COL5A2: variants seen among roughly 807,000 people sequenced by gnomAD.
COL5A2 encodes collagen alpha-2(V) chain.
COL5A2 carries 23 observed loss-of-function variants against 208.2 expected under a neutral mutation model. That is an observed-to-expected ratio of 0.11 (90% confidence interval 0.08 to 0.16). COL5A2 has a LOEUF of 0.16. Among genes scored for constraint, COL5A2 ranks in the 10% least tolerant of loss-of-function variants. The pLI is 1.00. For missense variants in COL5A2, 1,590 were observed against 1,956.4 expected (o/e 0.81, Z 3.53); for synonymous variants, 625 against 628.5 (o/e 0.99, Z 0.08).
the COL5A2 span, among the ~76,000 whole-genome samples, chr2:189,408,802 G>A: frequency 1.3e-5 from 2 of 152,020 alleles, no homozygotes; most frequent in Admixed American, 1.3e-4. Flanking sequence ...ATTATACTGA[G>A]TTATCCAGAT....
chr2:189,365,443 A>T, the COL5A2 span, among the ~76,000 whole-genome samples: 1 of 152,240 alleles, frequency 6.6e-6, no homozygotes, highest in Non-Finnish European at 1.5e-5. Flanking sequence ...CTTGCTCAGT[A>T]CTAGCACCAA....
At chr2:189,054,280 C>G in intron 35 of COL5A2, 68 bp from the exon 36 acceptor site, 1 of 1,134,406 alleles carries the variant, frequency 8.8e-7, no homozygotes, top group East Asian at 2.4e-5. Context: ...CTTAGCAAAT[C>G]AACAAACAAA....
chr2:189,336,508 T>C, the COL5A2 span, among the ~76,000 whole-genome samples: 1 of 152,180 alleles, frequency 6.6e-6, no homozygotes, highest in African/African-American at 2.4e-5. Flanking sequence ...TGGTGATACA[T>C]TCATATAACA....
chr2:189,056,609 C>T (rs1248939337), intron 35 of COL5A2, among the ~76,000 whole-genome samples: 1 of 152,042 alleles, frequency 6.6e-6, no homozygotes, highest in Non-Finnish European at 1.5e-5. Flanking sequence ...GGTGACTCCA[C>T]AAAGCTCTAC....
the COL5A2 span, among the ~76,000 whole-genome samples, chr2:189,321,399 A>G: frequency 2.0e-5 from 3 of 152,234 alleles, no homozygotes; most frequent in African/African-American, 4.8e-5. Context: ...AAGACCCATC[A>G]GTGTGCTGTA....
Position 189,054,196 on chromosome 2 carries a change from A to G in COL5A2, c.2408T>C (p.Leu803Ser), listed in dbSNP as rs149737825. 191 of 1,614,110 alleles carry G rather than the reference A, an allele frequency of 1.2e-4. 1 individual carries two copies. The Middle Eastern group carries it at 7.4e-3, about 63-fold the overall frequency. The change falls in exon 36 of 54, where the codon TTG (leucine) becomes TCG (serine). Residue 803 changes from leucine to serine, a missense_variant. Leu to Ser is a moderately radical substitution (Grantham distance 145, BLOSUM62 -2). Coordinates refer to ENST00000374866, the MANE Select transcript of COL5A2 (RefSeq NM_000393.5). ...NDGARGLPGP[L>S]GPPGPAGPTG... is the part of the protein sequence containing the mutation. ...AGGACCTGCCGGACCTGGAGGGCCC[A>G]AAGGACCTGGAAGACCCTGTCAATT...
the COL5A2 span, among the ~76,000 whole-genome samples, chr2:189,398,708 T>C: frequency 3.3e-5 from 5 of 152,286 alleles, no homozygotes; most frequent in Middle Eastern, 3.4e-3. Context: ...CATCCAGTCT[T>C]ACTATCTTTG....
intron 1 of COL5A2, among the ~76,000 whole-genome samples, chr2:189,214,817 G>A (rs1433578236): frequency 6.6e-6 from 1 of 152,048 alleles, no homozygotes; most frequent in Non-Finnish European, 1.5e-5. Flanking sequence ...AAAGGTACTT[G>A]TTTTCTTCCA....
chr2:189,057,005 C>A lies in COL5A2; in HGVS notation c.2359G>T (p.Ala787Ser). The A allele has an allele frequency of 5.0e-6, 8 of 1,614,078 alleles. No homozygotes were observed. Among genetic ancestry groups the A allele is most frequent in the Non-Finnish European group, 6.8e-6 (8 of 1,179,974 alleles). ...CCATCATTTCCAGCTGTGCCTTCAG[C>A]ACCTTTTTCTCCTATGCCACCCTGG... ...GDRGGIGEKG[A>S]EGTAGNDGAR... The change falls in exon 35 of 54, where the codon GCT (alanine) becomes TCT (serine). Residue 787 changes from alanine (A) to serine (S), a missense_variant. Ala to Ser is a moderately conservative substitution (Grantham distance 99, BLOSUM62 1). Coordinates refer to ENST00000374866, the MANE Select transcript of COL5A2 (RefSeq NM_000393.5).
At chr2:189,102,013 G>A (rs1474535460) in intron 3 of COL5A2, among the ~76,000 whole-genome samples, 2 of 151,964 alleles carry the variant, frequency 1.3e-5, no homozygotes, top group Admixed American at 6.6e-5. Flanking sequence ...CCATGTAAGA[G>A]CTATAATAAA....
the COL5A2 span, among the ~76,000 whole-genome samples, chr2:189,440,373 C>CT: frequency 6.6e-6 from 1 of 152,200 alleles, no homozygotes; most frequent in Non-Finnish European, 1.5e-5. Context: ...TACTACACAC[C>CT]TAGGCTGTAC....
the COL5A2 span, among the ~76,000 whole-genome samples, chr2:189,281,137 C>T: frequency 6.6e-6 from 1 of 152,096 alleles, no homozygotes; most frequent in African/African-American, 2.4e-5. Context: ...TTAAAAAATT[C>T]TATGAGATTG....
the COL5A2 span, among the ~76,000 whole-genome samples, chr2:189,241,283 C>T: frequency 6.6e-6 from 1 of 152,082 alleles, no homozygotes; most frequent in African/African-American, 2.4e-5. Flanking sequence ...TTGGGTACAA[C>T]ATTCACTATT....
At chr2:189,136,929 G>T (rs1022923257) in intron 1 of COL5A2, among the ~76,000 whole-genome samples, 2 of 152,018 alleles carry the variant, frequency 1.3e-5, no homozygotes, top group Non-Finnish European at 2.9e-5. Flanking sequence ...CATTTTAACT[G>T]CTGATGGCCC....
rs947832562 is a variant in COL5A2 at position 189,195,673 on chromosome 2, C to A, written c.-42+29475G>T. On this transcript the variant is annotated intron_variant, in intron 1 of 10. Transcript: ENST00000649966. The stretch of plus-strand genomic sequence containing the variant: ...AGAAATAACACCACGTATCTACAGC[C>A]ATCTGATCTTCCACAAACCTGACAA... 3.9e-5 allele frequency among the ~76,000 whole-genome samples: 6 copies of A among 152,118 alleles called. No individual in the cohort carries two copies. In the South Asian group the frequency reaches 8.3e-4, roughly 21 times the overall value.
chr2:189,333,738 C>G, the COL5A2 span, among the ~76,000 whole-genome samples: 1 of 151,972 alleles, frequency 6.6e-6, no homozygotes, highest in Admixed American at 6.6e-5. Context: ...AGAAAGAGAA[C>G]TCACCAATCT....
At chr2:189,126,227 T>C (rs1417931073) in intron 1 of COL5A2, among the ~76,000 whole-genome samples, 4 of 151,992 alleles carry the variant, frequency 2.6e-5, no homozygotes, top group Non-Finnish European at 4.4e-5. Flanking sequence ...AAAACCAATA[T>C]GATAAAGTAG....
At chr2:189,293,940 T>C in the COL5A2 span, among the ~76,000 whole-genome samples, 1 of 151,950 alleles carries the variant, frequency 6.6e-6, no homozygotes, top group Non-Finnish European at 1.5e-5. Context: ...TACAAAAAAT[T>C]AGCCGGGCAT....
chr2:189,326,150 A>G, the COL5A2 span, among the ~76,000 whole-genome samples: 2 of 151,836 alleles, frequency 1.3e-5, no homozygotes, highest in Admixed American at 1.3e-4. Flanking sequence ...TGAGAATTGT[A>G]TGTGAGATCA....
Sources: allele counts gnomAD v4.1 joint callset (sites outside exome capture counted in the v4.1 genomes callset), GRCh38; gene constraint gnomAD v4.1.1; transcripts MANE v1.5; gene names NCBI Gene and HGNC (gene_info 2026-07-23, HGNC 2026-07-21).